The following FAM227B variants were observed in gnomAD, a reference collection of about 807,000 sequenced individuals.
FAM227B encodes the protein family with sequence similarity 227 member B, also known as protein FAM227B.
In FAM227B, 88 loss-of-function variants were observed where a neutral mutation model predicts 73.8. The ratio of observed to expected loss-of-function variants is 1.19; its 90% CI spans 1.00 to 1.42. The LOEUF (loss-of-function observed/expected upper bound fraction) is 1.42, where lower values mean the gene tolerates loss of function less well. Among genes scored for constraint, FAM227B ranks in the 40% most tolerant of loss-of-function variants. FAM227B has a pLI of 0.00. For synonymous variants in FAM227B, 210 were observed against 190.5 expected, an observed-to-expected ratio of 1.10 and a Z score of -0.84; for missense variants, 632 against 590.9, an observed-to-expected ratio of 1.07 and a Z score of -0.72.
chr15:49,365,949 A>C, intron 13 of FAM227B: 1 of 896,178 alleles, frequency 1.1e-6, no homozygotes, highest in East Asian at 2.4e-5. Flanking sequence ...TCATAACATA[A>C]ACTAACCATT....
At chr15:49,502,758 G>A (rs552687586) in intron 11 of FAM227B, among the ~76,000 whole-genome samples, 1 of 152,252 alleles carries the variant, frequency 6.6e-6, no homozygotes, top group East Asian at 1.9e-4. Flanking sequence ...GTGGTGAAAT[G>A]ATATAGTTTG....
chr15:49,474,351 G>A (rs2055052684), intron 11 of FAM227B, among the ~76,000 whole-genome samples: 1 of 152,160 alleles, frequency 6.6e-6, no homozygotes, highest in African/African-American at 2.4e-5. Context: ...CTGTTATGTG[G>A]AAATGGTATT....
chr15:49,531,988 T>C (rs2060644054), intron 10 of FAM227B, among the ~76,000 whole-genome samples: 1 of 150,870 alleles, frequency 6.6e-6, no homozygotes, highest in Admixed American at 6.7e-5. Flanking sequence ...TGGGTTACTA[T>C]ATAGCTATTT....
intron 13 of FAM227B, among the ~76,000 whole-genome samples, chr15:49,361,431 T>C (rs751740318): frequency 4.6e-5 from 7 of 152,066 alleles, no homozygotes; most frequent in Non-Finnish European, 8.8e-5. Flanking sequence ...CTGGTGTCTG[T>C]TATTCCCTTC....
chr15:49,431,397 T>C (rs1200442066), intron 11 of FAM227B, among the ~76,000 whole-genome samples: 2 of 151,810 alleles, frequency 1.3e-5, no homozygotes, highest in African/African-American at 4.8e-5. Context: ...TAAAGTTCCT[T>C]AACTATGTGT....
intron 13 of FAM227B, among the ~76,000 whole-genome samples, chr15:49,354,224 G>C (rs1263839365): frequency 6.6e-6 from 1 of 152,152 alleles, no homozygotes; most frequent in East Asian, 1.9e-4. Flanking sequence ...TGTTTAAAAA[G>C]TCTGTGTATG....
intron 5 of FAM227B, among the ~76,000 whole-genome samples, chr15:49,581,334 T>C (rs2075798526): frequency 1.3e-5 from 2 of 151,914 alleles, no homozygotes; most frequent in African/African-American, 4.8e-5. Flanking sequence ...AGTATTCTTT[T>C]TTTTTTTTTT....
At chr15:49,616,660 G>A (rs2078307838) in intron 1 of FAM227B, among the ~76,000 whole-genome samples, 1 of 152,114 alleles carries the variant, frequency 6.6e-6, no homozygotes, top group African/African-American at 2.4e-5. Flanking sequence ...TGTTGTTTAA[G>A]TCATCTACTC....
chr15:49,601,676 C>A (rs544845490), intron 3 of FAM227B, among the ~76,000 whole-genome samples: 55 of 152,234 alleles, frequency 3.6e-4, no homozygotes, highest in African/African-American at 1.3e-3. Flanking sequence ...TTTAAATGTA[C>A]AATTCAATCA....
chr15:49,431,688 A>G (rs2050635017), intron 11 of FAM227B, among the ~76,000 whole-genome samples: 1 of 151,768 alleles, frequency 6.6e-6, no homozygotes, highest in South Asian at 2.1e-4. Flanking sequence ...GAGGAAGAAA[A>G]TATCTTTGTG....
At chr15:49,426,079 G>T in intron 11 of FAM227B, among the ~76,000 whole-genome samples, 1 of 151,458 alleles carries the variant, frequency 6.6e-6, no homozygotes, top group East Asian at 1.9e-4. Flanking sequence ...AATAAAACCT[G>T]GTGGAGACGA....
At chr15:49,606,662 C>T (rs904777691) in intron 3 of FAM227B, among the ~76,000 whole-genome samples, 2 of 152,188 alleles carry the variant, frequency 1.3e-5, no homozygotes, top group African/African-American at 4.8e-5. Context: ...ATTCTGATAC[C>T]TGTGGTGTCA....
chr15:49,452,504 T>C (rs1225974105), intron 11 of FAM227B, among the ~76,000 whole-genome samples: 1 of 152,222 alleles, frequency 6.6e-6, no homozygotes, highest in Non-Finnish European at 1.5e-5. Context: ...AAACTGGATG[T>C]TATTTTCTGG....
intron 9 of FAM227B, among the ~76,000 whole-genome samples, chr15:49,553,090 T>A (rs539187905): frequency 2.6e-5 from 4 of 152,170 alleles, no homozygotes; most frequent in Non-Finnish European, 5.9e-5. Context: ...CTGCGCTTAT[T>A]TATAGCTGTT....
intron 9 of FAM227B, among the ~76,000 whole-genome samples, chr15:49,555,140 G>A (rs1481718450): frequency 6.6e-6 from 1 of 152,162 alleles, no homozygotes; most frequent in African/African-American, 2.4e-5. Context: ...TGGTTATTAT[G>A]CAGACTTCTT....
intron 11 of FAM227B, among the ~76,000 whole-genome samples, chr15:49,407,933 C>A (rs1223857537): frequency 1.3e-5 from 2 of 152,142 alleles, no homozygotes; most frequent in East Asian, 3.9e-4. Context: ...TGGAACCATA[C>A]AGCATGTAGC....
intron 11 of FAM227B, among the ~76,000 whole-genome samples, chr15:49,416,890 T>C (rs2049256388): frequency 6.6e-6 from 1 of 151,856 alleles, no homozygotes; most frequent in Non-Finnish European, 1.5e-5. Context: ...AAATCAGAGA[T>C]GACACAAATG....
chr15:49,426,475 T>C (rs534292071), intron 11 of FAM227B, among the ~76,000 whole-genome samples: 1 of 152,034 alleles, frequency 6.6e-6, no homozygotes, highest in South Asian at 2.1e-4. Flanking sequence ...AGATGTAAAA[T>C]CCAGTGAAAA....
chr15:49,328,463 T>C lies in FAM227B; in HGVS notation c.*105A>G. ...GATGAATGGTAAAACACACTCTTAA[T>C]ACTGATTACATGGATTGGACTTGAA... On this transcript the variant is annotated 3_prime_UTR_variant, in exon 16 of 16. Transcript: ENST00000299338. 2 of 1,518,774 alleles carry C rather than the reference T, an allele frequency of 1.3e-6. No individual in the cohort carries two copies. The highest frequency in any genetic ancestry group is 1.8e-4 in the Middle Eastern group (1 of 5,614). The allele number at this position is 1,518,774 out of a possible 1,614,324, so 94.1% of individuals were successfully genotyped here.
Sources: allele counts gnomAD v4.1 joint callset (sites outside exome capture counted in the v4.1 genomes callset), GRCh38; gene constraint gnomAD v4.1.1; transcripts MANE v1.5; gene names NCBI Gene and HGNC (gene_info 2026-07-23, HGNC 2026-07-21).